KLRD1: variants seen among roughly 807,000 people sequenced by gnomAD.
KLRD1 encodes the protein killer cell lectin like receptor D1.
Under a neutral mutation model 22.6 loss-of-function variants are expected in KLRD1, and 21 were observed. The ratio of observed to expected loss-of-function variants is 0.93; its 90% CI spans 0.66 to 1.34. The LOEUF (loss-of-function observed/expected upper bound fraction) is 1.34, where lower values mean the gene tolerates loss of function less well. Ranked by LOEUF, KLRD1 falls within the 40% of genes most tolerant of loss-of-function variation. The pLI, the probability that KLRD1 is intolerant of heterozygous loss-of-function variation, is 0.00. For synonymous variants in KLRD1, 59 were observed against 71.1 expected (o/e 0.83, Z 0.85); for missense variants, 183 against 208.6 (o/e 0.88, Z 0.76).
At chr12:10,309,324 C>CT (rs1204779404) in intron 1 of KLRD1, 64 bp from the exon 2 acceptor site, 8 of 763,444 alleles carry the variant, frequency 1.0e-5, no homozygotes, top group Middle Eastern at 2.4e-4. Flanking sequence ...CTAGTTTCTG[C>CT]TTTTAAGAAC....
At chr12:10,299,765 G>A (rs1040061906), upstream of KLRD1, among the ~76,000 whole-genome samples, 1 of 152,050 alleles carries the variant, frequency 6.6e-6, no homozygotes, top group African/African-American at 2.4e-5. Context: ...AAGATTCTCT[G>A]TAGCATGTGA....
chr12:10,247,897 A>G (rs1949307180), intron 1 of KLRD1, among the ~76,000 whole-genome samples: 1 of 152,208 alleles, frequency 6.6e-6, no homozygotes, highest in South Asian at 2.1e-4. Context: ...CTGTGAGTCA[A>G]TTAAACCTCT....
intron 1 of KLRD1, among the ~76,000 whole-genome samples, chr12:10,258,113 G>A (rs1179292554): frequency 6.6e-6 from 1 of 152,122 alleles, no homozygotes; most frequent in African/African-American, 2.4e-5. Flanking sequence ...TTGCTAGCCT[G>A]CTGATGACCT....
chr12:10,254,058 A>G (rs1227962235), intron 1 of KLRD1, among the ~76,000 whole-genome samples: 1 of 152,194 alleles, frequency 6.6e-6, no homozygotes, highest in Admixed American at 6.5e-5. Context: ...CAAAGACACC[A>G]AAAGCAATCG....
chr12:10,301,315 C>G (rs894863797), upstream of KLRD1, among the ~76,000 whole-genome samples: 1 of 152,036 alleles, frequency 6.6e-6, no homozygotes, highest in Non-Finnish European at 1.5e-5. Flanking sequence ...TGAGGTTGTT[C>G]TTTAGGTTCT....
At chr12:10,265,794 G>A (rs145327042) in intron 1 of KLRD1, among the ~76,000 whole-genome samples, 1 of 152,094 alleles carries the variant, frequency 6.6e-6, no homozygotes, top group African/African-American at 2.4e-5. Context: ...AGGCCATACC[G>A]CTACATCTGA....
At chr12:10,310,772 A>G (rs913032980) in intron 3 of KLRD1, among the ~76,000 whole-genome samples, 5 of 152,172 alleles carry the variant, frequency 3.3e-5, no homozygotes, top group Non-Finnish European at 7.3e-5. Context: ...GCAACACAGC[A>G]AGACTCTGTC....
At chr12:10,286,662 C>CTTTTTTTTTTTT in intron 1 of KLRD1, among the ~76,000 whole-genome samples, 1 of 54,808 alleles carries the variant, frequency 1.8e-5, no homozygotes, top group Non-Finnish European at 3.0e-5. Flanking sequence ...GCTTATGGTG[C>CTTTTTTTTTTTT]TTTTTTTTTT....
At chr12:10,293,180 A>ATG (rs1555107055) in intron 1 of KLRD1, among the ~76,000 whole-genome samples, 12 of 133,764 alleles carry the variant, frequency 9.0e-5, no homozygotes, top group Non-Finnish European at 1.4e-4. Context: ...ACATATACAC[A>ATG]TAATTCGCAT....
chr12:10,279,614 C>T (rs1461594147), intron 1 of KLRD1, among the ~76,000 whole-genome samples: 1 of 152,112 alleles, frequency 6.6e-6, no homozygotes, highest in Non-Finnish European at 1.5e-5. Flanking sequence ...TACCTAAATA[C>T]ATCCAATTGA....
At chr12:10,282,904 A>G (rs1949659311) in intron 1 of KLRD1, among the ~76,000 whole-genome samples, 3 of 152,210 alleles carry the variant, frequency 2.0e-5, no homozygotes, top group Admixed American at 2.0e-4. Flanking sequence ...GATCAGAGGG[A>G]GGGACTGAGC....
chr12:10,282,707 G>T (rs1017566712), intron 1 of KLRD1, among the ~76,000 whole-genome samples: 3 of 152,182 alleles, frequency 2.0e-5, no homozygotes, highest in African/African-American at 7.2e-5. Context: ...ACATAATGAT[G>T]TGGGTACAAA....
intron 1 of KLRD1, among the ~76,000 whole-genome samples, chr12:10,279,093 A>G (rs28425178): frequency 0.033 from 5,046 of 151,448 alleles, 286 homozygotes; most frequent in African/African-American, 0.12. Flanking sequence ...TTCATTACCC[A>G]GGCAATAAGC....
rs1234168554 is a variant in KLRD1 at position 10,318,807 on chromosome 12, C to T, written c.*4014C>T. 1 of 138,662 alleles carries T rather than the reference C, an allele frequency of 7.2e-6. No homozygotes were observed. The highest frequency in any genetic ancestry group is 2.9e-5 in the African/African-American group (1 of 35,070). The allele number at this position is 138,662 out of a possible 1,614,324, so 8.6% of individuals were successfully genotyped here. ...TTTACAGTGAGCTGAGATCGCGCCA[C>T]TGCACTCCAGCCTGGGTGACAGAGG... On this transcript the variant is annotated 3_prime_UTR_variant, in exon 6 of 6. Transcript: ENST00000336164.
At chr12:10,284,330 A>G (rs1949679314) in intron 1 of KLRD1, among the ~76,000 whole-genome samples, 1 of 152,242 alleles carries the variant, frequency 6.6e-6, no homozygotes, top group Non-Finnish European at 1.5e-5. Flanking sequence ...AATTATCAGT[A>G]TGAAACCACA....
intron 1 of KLRD1, among the ~76,000 whole-genome samples, chr12:10,294,114 G>A (rs1459101352): frequency 6.6e-6 from 1 of 152,112 alleles, no homozygotes; most frequent in Non-Finnish European, 1.5e-5. Context: ...GCTTGTGAAA[G>A]TCATTGCTAC....
At chr12:10,312,801 C>G (rs1950119815) in intron 4 of KLRD1, among the ~76,000 whole-genome samples, 1 of 151,280 alleles carries the variant, frequency 6.6e-6, no homozygotes, top group South Asian at 2.1e-4. Flanking sequence ...TCCTGGCTAA[C>G]ACGGTGAAAC....
Position 10,324,367 on chromosome 12 carries a change from G to C in KLRD1, c.*9574G>C, listed in dbSNP as rs1309387952. On this transcript the variant is annotated 3_prime_UTR_variant, in exon 6 of 6. Coordinates refer to ENST00000336164, the MANE Select transcript of KLRD1 (RefSeq NM_002262.5). Reference sequence around the variant, plus strand: ...TAATCAGCATAGTACCTGACAGGCAGTTTTTCTATCCTCATCCTTCTCCCT... The same window carrying C: ...TAATCAGCATAGTACCTGACAGGCACTTTTTCTATCCTCATCCTTCTCCCT... 2.0e-5 allele frequency: 3 copies of C among 152,074 alleles called. No homozygotes were observed. The highest frequency in any genetic ancestry group is 4.4e-5 in the Non-Finnish European group (3 of 68,050). 9.4% of individuals were successfully genotyped at this position (152,074 alleles called of 1,614,324 possible).
intron 1 of KLRD1, among the ~76,000 whole-genome samples, chr12:10,293,175 T>TATATATATATAC (rs1555107048): frequency 3.8e-4 from 1 of 2,654 alleles, no homozygotes; most frequent in African/African-American, 4.6e-4. Context: ...TATACACATA[T>TATATATATATAC]ACACATAATT....
Sources: allele counts gnomAD v4.1 joint callset (sites outside exome capture counted in the v4.1 genomes callset), GRCh38; gene constraint gnomAD v4.1.1; transcripts MANE v1.5; gene names NCBI Gene and HGNC (gene_info 2026-07-23, HGNC 2026-07-21).